GARIN2: variants seen among roughly 807,000 people sequenced by gnomAD.
GARIN2 encodes the protein golgi associated RAB2 interactor family member 2.
the GARIN2 span, among the ~76,000 whole-genome samples, chr14:67,220,413 G>A: frequency 6.6e-6 from 1 of 151,692 alleles, no homozygotes; most frequent in Non-Finnish European, 1.5e-5. Context: ...CTGCACTCTA[G>A]CCTGGGTAAC....
At chr14:67,204,943 G>C in the GARIN2 span, 1 of 1,611,552 alleles carries the variant, frequency 6.2e-7, no homozygotes, top group Non-Finnish European at 8.5e-7. Flanking sequence ...TGAGGTCCCA[G>C]AGGTCCCGGA....
the GARIN2 span, among the ~76,000 whole-genome samples, chr14:67,207,408 T>A: frequency 6.6e-6 from 1 of 151,996 alleles, no homozygotes; most frequent in African/African-American, 2.4e-5. Flanking sequence ...GAGTGAGAAC[T>A]CACTCATTAT....
the GARIN2 span, among the ~76,000 whole-genome samples, chr14:67,197,835 T>C: frequency 6.6e-6 from 1 of 152,174 alleles, no homozygotes; most frequent in African/African-American, 2.4e-5. Flanking sequence ...TCCAGCCCTA[T>C]ACTCTGGTCA....
chr14:67,203,343 G>T, the GARIN2 span: 1 of 1,430,886 alleles, frequency 7.0e-7, no homozygotes, highest in Non-Finnish European at 9.4e-7. Flanking sequence ...ATGTGCATTA[G>T]CCCTGTGGAT....
chr14:67,224,324 T>A, the GARIN2 span, among the ~76,000 whole-genome samples: 4 of 150,876 alleles, frequency 2.7e-5, no homozygotes, highest in Non-Finnish European at 5.9e-5. Context: ...AGTGGCACGA[T>A]CTCAGCTCAC....
At chr14:67,225,477 G>C in the GARIN2 span, among the ~76,000 whole-genome samples, 2 of 152,184 alleles carry the variant, frequency 1.3e-5, no homozygotes, top group Non-Finnish European at 2.9e-5. Flanking sequence ...GAGGAGGAGA[G>C]AGGGCTTCAG....
the GARIN2 span, among the ~76,000 whole-genome samples, chr14:67,194,783 G>A: frequency 2.6e-5 from 4 of 152,046 alleles, no homozygotes; most frequent in East Asian, 1.9e-4. Flanking sequence ...TCAGTCTCTC[G>A]AGTAGCTGGG....
the GARIN2 span, chr14:67,201,575 C>G: frequency 4.4e-6 from 2 of 454,692 alleles, no homozygotes; most frequent in Non-Finnish European, 8.8e-6. Context: ...GTATGTCTTG[C>G]TGGTCACATG....
the GARIN2 span, among the ~76,000 whole-genome samples, chr14:67,201,152 G>A: frequency 6.6e-6 from 1 of 152,146 alleles, no homozygotes; most frequent in South Asian, 2.1e-4. Context: ...AAATTAGCAG[G>A]GTGCAGTGCT....
chr14:67,190,050 G>A, the GARIN2 span, among the ~76,000 whole-genome samples: 2,672 of 146,520 alleles, frequency 0.018, 34 homozygotes, highest in Non-Finnish European at 0.028. Flanking sequence ...TATAGGCATC[G>A]CCCATCATGC....
chr14:67,190,601 G>C, the GARIN2 span, among the ~76,000 whole-genome samples: 2 of 152,132 alleles, frequency 1.3e-5, no homozygotes, highest in Non-Finnish European at 2.9e-5. Context: ...ACTGAGAATT[G>C]AGTAAATTTT....
the GARIN2 span, chr14:67,224,645 C>T: frequency 3.3e-6 from 1 of 299,828 alleles, no homozygotes; most frequent in South Asian, 2.7e-5. Context: ...TTACAGTGAG[C>T]CCAAATTATG....
chr14:67,192,557 C>G, the GARIN2 span, among the ~76,000 whole-genome samples: 1 of 151,622 alleles, frequency 6.6e-6, no homozygotes, highest in Admixed American at 6.6e-5. Flanking sequence ...GTGCAAGGAG[C>G]TTATCAGGAG....
chr14:67,190,764 C>T, the GARIN2 span, among the ~76,000 whole-genome samples: 1 of 152,228 alleles, frequency 6.6e-6, no homozygotes. Context: ...ACCAGAACTG[C>T]AACCTAGAAT....
At chr14:67,220,737 C>G in the GARIN2 span, among the ~76,000 whole-genome samples, 1 of 152,070 alleles carries the variant, frequency 6.6e-6, no homozygotes, top group Non-Finnish European at 1.5e-5. Context: ...GTACATTTAC[C>G]TGATGCTTCT....
the GARIN2 span, among the ~76,000 whole-genome samples, chr14:67,213,928 T>C: frequency 6.6e-6 from 1 of 152,234 alleles, no homozygotes; most frequent in Non-Finnish European, 1.5e-5. Flanking sequence ...ATGGTGAGCA[T>C]TTTTTCATGT....
At chr14:67,198,437 A>G in the GARIN2 span, 1 of 929,660 alleles carries the variant, frequency 1.1e-6, no homozygotes, top group Non-Finnish European at 1.6e-6. Context: ...GTGTGATACT[A>G]CAAAAGAGAA....
At chr14:67,226,454 G>A in the GARIN2 span, among the ~76,000 whole-genome samples, 3 of 152,212 alleles carry the variant, frequency 2.0e-5, no homozygotes, top group Non-Finnish European at 4.4e-5. Context: ...TCTGCCTCCT[G>A]GGTTCAAGAG....
the GARIN2 span, among the ~76,000 whole-genome samples, chr14:67,218,988 A>G: frequency 6.6e-6 from 1 of 151,684 alleles, no homozygotes; most frequent in Non-Finnish European, 1.5e-5. Context: ...GGCTTGGTGG[A>G]ATGGAGATGG....
Sources: gnomAD v4.1 joint callset for allele counts (sites outside exome capture counted in the v4.1 genomes callset) on GRCh38, gnomAD v4.1.1 for gene constraint, MANE v1.5 for transcripts, NCBI Gene and HGNC (gene_info 2026-07-23, HGNC 2026-07-21) for gene names.